TARDBP: variants seen among roughly 807,000 people sequenced by gnomAD.
The protein encoded by TARDBP is TAR DNA-binding protein 43.
In TARDBP, 4 loss-of-function variants were observed where a neutral mutation model predicts 38.3. The ratio of observed to expected loss-of-function variants is 0.10; its 90% CI spans 0.05 to 0.24. The LOEUF is 0.24. TARDBP is among the 10% of genes least tolerant of loss of function. TARDBP has a pLI of 1.00. For missense variants in TARDBP, 202 were observed against 521.9 expected (o/e 0.39, Z 5.97); for synonymous variants, 184 against 183.8 (o/e 1.00, Z -0.01).
chr1:11,030,363 GTGTCT>G, downstream of TARDBP: 1 of 715,288 alleles, frequency 1.4e-6, no homozygotes, highest in Non-Finnish European at 2.4e-6. Flanking sequence ...GGACATAGAG[GTGTCT>G]GAAGAACCAT....
Position 11,020,411 on chromosome 1 carries a change from TC to T in TARDBP, c.544-16del, listed in dbSNP as rs1183260435. ...ATAACATATTTCTGAGTTTTTTTCT[TC>T]CTTTTGATTTGATCAGCAAAGCCAA... On this transcript the variant is annotated splice_polypyrimidine_tract_variant and intron_variant, in intron 4 of 5. Transcript: ENST00000240185. 6.2e-7 allele frequency: 1 copy of T among 1,614,000 alleles called. No individual in the cohort carries two copies. Among genetic ancestry groups the T allele is most frequent in the Non-Finnish European group, 8.5e-7 (1 of 1,180,000 alleles).
At chr1:11,015,135 G>A (rs1643494219) in intron 2 of TARDBP, among the ~76,000 whole-genome samples, 1 of 151,646 alleles carries the variant, frequency 6.6e-6, no homozygotes, top group Admixed American at 6.6e-5. Flanking sequence ...ATGTAAACTC[G>A]GGGTTTTTAG....
Position 11,020,425 on chromosome 1 carries a change from T to C in TARDBP, c.544-4T>C. ...AGTTTTTTTCTTCCTTTTGATTTGA[T>C]CAGCAAAGCCAAGATGAGCCTTTGA... On this transcript the variant is annotated splice_region_variant and splice_polypyrimidine_tract_variant and intron_variant, in intron 4 of 5. Coordinates refer to ENST00000240185, the MANE Select transcript of TARDBP (RefSeq NM_007375.4). 1 of 1,614,078 alleles carries C rather than the reference T, an allele frequency of 6.2e-7. No homozygotes were observed. Among genetic ancestry groups the C allele is most frequent in the Non-Finnish European group, 8.5e-7 (1 of 1,180,004 alleles).
chr1:11,015,100 G>A (rs1330418722), intron 2 of TARDBP, among the ~76,000 whole-genome samples: 12 of 149,684 alleles, frequency 8.0e-5, no homozygotes, highest in African/African-American at 3.0e-4. Flanking sequence ...GCAAGACTTC[G>A]TCTCAAAAAA....
chr1:11,019,650 T>C (rs1179499220), intron 4 of TARDBP, among the ~76,000 whole-genome samples: 2 of 152,036 alleles, frequency 1.3e-5, no homozygotes, highest in East Asian at 3.8e-4. Context: ...CACTGCAAGC[T>C]CTGCCTCCCG....
chr1:11,025,745 A>G (rs1643721376), downstream of TARDBP: 1 of 152,880 alleles, frequency 6.5e-6, no homozygotes, highest in Admixed American at 6.5e-5. Context: ...TTAGGAAGGA[A>G]TAGCCAGCTA....
chr1:11,019,526 G>C (rs935221366), intron 4 of TARDBP, among the ~76,000 whole-genome samples: 1 of 152,130 alleles, frequency 6.6e-6, no homozygotes, highest in Non-Finnish European at 1.5e-5. Context: ...GCCTAGATGT[G>C]GGGTAGGCTA....
chr1:11,018,478 C>T (rs1643573209), intron 3 of TARDBP: 7 of 492,366 alleles, frequency 1.4e-5, no homozygotes, highest in South Asian at 4.1e-5. Context: ...TGTGAGCCAC[C>T]GCGCCTGGCC....
Position 11,020,618 on chromosome 1 carries a change from A to G in TARDBP, c.714+19A>G. 5 of 1,611,616 alleles carry G rather than the reference A, an allele frequency of 3.1e-6. No individual in the cohort carries two copies. The highest frequency in any genetic ancestry group is 4.2e-6 in the Non-Finnish European group (5 of 1,179,392). On this transcript the variant is annotated intron_variant, in intron 5 of 5. Transcript: ENST00000240185. ...TGATCAGGTATTTTTCTCCTTAACG[A>G]TATGTCCCGGCCGGGCGTGGTGGCT...
At chr1:11,027,431 T>TA (rs757481067), downstream of TARDBP, 3 of 1,614,214 alleles carry the variant, frequency 1.9e-6, no homozygotes, top group South Asian at 2.2e-5. Context: ...AATGAGGTGA[T>TA]AGTCTTTTCA....
At chr1:11,026,935 T>G (rs1289010289), downstream of TARDBP, 10 of 1,513,658 alleles carry the variant, frequency 6.6e-6, no homozygotes, top group Non-Finnish European at 7.9e-6. Context: ...TTAATAACTT[T>G]TGTGTAGACT....
Position 11,013,876 on chromosome 1 carries a change from G to A in TARDBP, c.149G>A (p.Cys50Tyr). ...CGCTACAGGAATCCAGTGTCTCAGTGTATGAGAGGTGTCCGGCTGGTAGAA... is the reference window on the plus strand; with the variant it reads ...CGCTACAGGAATCCAGTGTCTCAGTATATGAGAGGTGTCCGGCTGGTAGAA... ...GLRYRNPVSQ[C>Y]MRGVRLVEGI... Residue 50 changes from cysteine (C) to tyrosine (Y), a missense_variant, in exon 2 of 6, where the codon TGT becomes TAT. Coordinates refer to ENST00000240185, the MANE Select transcript of TARDBP (RefSeq NM_007375.4). 6.2e-7 allele frequency: 1 copy of A among 1,614,220 alleles called. No individual in the cohort carries two copies. The highest frequency in any genetic ancestry group is 8.5e-7 in the Non-Finnish European group (1 of 1,180,022).
At chr1:11,013,669 G>A (rs1643459921) in intron 1 of TARDBP, 47 bp from the exon 2 acceptor site, 7 of 1,448,788 alleles carry the variant, frequency 4.8e-6, no homozygotes, top group Non-Finnish European at 6.7e-6. Context: ...TAAGGAAACA[G>A]TTATTCTGAC....
intron 2 of TARDBP, chr1:11,015,768 C>CAG (rs78850616): frequency 0.82 from 124,965 of 151,588 alleles, 51,573 homozygotes; most frequent in East Asian, 0.87. Flanking sequence ...TTTTTTGAGA[C>CAG]AGTCTCACTC....
At chr1:11,015,328 A>G (rs1340297868) in intron 2 of TARDBP, among the ~76,000 whole-genome samples, 6 of 151,690 alleles carry the variant, frequency 4.0e-5, no homozygotes, top group Non-Finnish European at 1.5e-5. Flanking sequence ...TCTACTAAAA[A>G]TTCAAAAATT....
At chr1:11,015,042 G>A (rs928366681) in intron 2 of TARDBP, among the ~76,000 whole-genome samples, 3 of 151,420 alleles carry the variant, frequency 2.0e-5, no homozygotes, top group Non-Finnish European at 4.4e-5. Context: ...GGGAGGCGGA[G>A]ATTACTTTAA....
In TARDBP at chr1:11,023,188, T is replaced by G. The variant is rs1643674531; in HGVS notation, c.*534T>G. ...CAATATGAAGCCTTCATTTAATCTC[T>G]GCAGTTCATCTCATTTCAAATGTTT... On this transcript the variant is annotated 3_prime_UTR_variant, in exon 6 of 6. Coordinates refer to ENST00000240185, the MANE Select transcript of TARDBP (RefSeq NM_007375.4). 3.9e-6 allele frequency: 6 copies of G among 1,550,422 alleles called. No homozygotes were observed. The highest frequency in any genetic ancestry group is 2.0e-5 in the Admixed American group (1 of 51,006).
rs1195021019 is a variant in TARDBP, at chr1:11,024,760, C to A, written c.*2106C>A. 6.6e-6 allele frequency: 1 copy of A among 152,648 alleles called. No homozygotes were observed. Among genetic ancestry groups the A allele is most frequent in the Non-Finnish European group, 1.5e-5 (1 of 68,064 alleles). The allele number at this position is 152,648 out of a possible 1,614,324, so 9.5% of individuals were successfully genotyped here. A position where few individuals can be genotyped will look rare whatever the true frequency, so the allele number is the denominator to read the frequency against. On this transcript the variant is annotated 3_prime_UTR_variant, in exon 6 of 6. Coordinates refer to ENST00000240185, the MANE Select transcript of TARDBP (RefSeq NM_007375.4). Reference sequence around the variant, plus strand: ...AAATCGCTTACAAAACTCACACTCTCACAATGCATTGTTAAGTATGTAAAA... The same window carrying A: ...AAATCGCTTACAAAACTCACACTCTAACAATGCATTGTTAAGTATGTAAAA...
downstream of TARDBP, among the ~76,000 whole-genome samples, chr1:11,029,454 TAAAAA>T (rs749524864): frequency 1.5e-4 from 22 of 147,400 alleles, no homozygotes; most frequent in East Asian, 5.9e-4. Context: ...CAATTCTGGT[TAAAAA>T]AAAAAGTACT....
Sources: gnomAD v4.1 joint callset for allele counts (sites outside exome capture counted in the v4.1 genomes callset) on GRCh38, gnomAD v4.1.1 for gene constraint, MANE v1.5 for transcripts, NCBI Gene and HGNC (gene_info 2026-07-23, HGNC 2026-07-21) for gene names.